The following FHL2 variants were observed in gnomAD, a reference collection of about 807,000 sequenced individuals.
The protein encoded by FHL2 is four and a half LIM domains 2.
In FHL2, 20 loss-of-function variants were observed where a neutral mutation model predicts 32.7. The observed-to-expected ratio is 0.61, with a 90% CI of 0.43 to 0.89. The LOEUF (loss-of-function observed/expected upper bound fraction) is 0.89. FHL2 is among the 40% of genes least tolerant of loss of function. The pLI, the probability that FHL2 is intolerant of heterozygous loss-of-function variation, is 0.00. For synonymous variants in FHL2, 123 were observed against 128.1 expected, an observed-to-expected ratio of 0.96 and a Z score of 0.27; for missense variants, 311 against 358.6, an observed-to-expected ratio of 0.87 and a Z score of 1.07.
chr2:105,365,032 ATC>A (rs903185302), intron 5 of FHL2, among the ~76,000 whole-genome samples: 5 of 152,316 alleles, frequency 3.3e-5, no homozygotes, highest in South Asian at 2.1e-4. Context: ...TGTGTAAGAC[ATC>A]TCTGCCTGCA....
chr2:105,365,674 CA>C (rs771107312), intron 5 of FHL2, among the ~76,000 whole-genome samples: 2,070 of 71,590 alleles, frequency 0.029, 19 homozygotes, highest in African/African-American at 0.084. Flanking sequence ...GTCTCTACTA[CA>C]AAAAAAAAAA....
chr2:105,397,441 G>C (rs1236556205), intron 1 of FHL2, among the ~76,000 whole-genome samples: 1 of 152,142 alleles, frequency 6.6e-6, no homozygotes, highest in African/African-American at 2.4e-5. Context: ...GACACTACGA[G>C]ATTAAGTGAC....
downstream of FHL2, chr2:105,358,361 T>C (rs989630503): frequency 1.3e-5 from 2 of 152,316 alleles, no homozygotes; most frequent in Non-Finnish European, 2.9e-5. Flanking sequence ...CCGCTGGTCT[T>C]CTCAGATTGC....
intron 3 of FHL2, among the ~76,000 whole-genome samples, chr2:105,379,397 C>A (rs1210853052): frequency 6.6e-6 from 1 of 152,176 alleles, no homozygotes; most frequent in African/African-American, 2.4e-5. Context: ...ATATCTGCCA[C>A]CTTAAAGCTC....
chr2:105,397,010 GTTTTTTTTTTT>G (rs35576785), intron 1 of FHL2: 2 of 108,726 alleles, frequency 1.8e-5, no homozygotes, highest in Non-Finnish European at 1.7e-5. Context: ...TATCTAGTCT[GTTTTTTTTTTT>G]TTTTTTTTTT....
chr2:105,415,169 G>A (rs1324989886), intron 1 of FHL2, among the ~76,000 whole-genome samples: 3 of 152,180 alleles, frequency 2.0e-5, no homozygotes, highest in Admixed American at 6.5e-5. Flanking sequence ...TGGAGCAAGC[G>A]CTACACCGCT....
chr2:105,405,114 G>C (rs1477044417), intron 1 of FHL2, among the ~76,000 whole-genome samples: 1 of 152,158 alleles, frequency 6.6e-6, no homozygotes, highest in African/African-American at 2.4e-5. Context: ...GTATTTGTAA[G>C]GTAGACTCTG....
At chr2:105,426,874 T>A (rs937939715) in intron 1 of FHL2, among the ~76,000 whole-genome samples, 2 of 152,374 alleles carry the variant, frequency 1.3e-5, no homozygotes, top group Admixed American at 1.3e-4. Context: ...TCTACTCACA[T>A]GGCCCTTATC....
At chr2:105,427,808 AC>A (rs1188362829) in intron 1 of FHL2, among the ~76,000 whole-genome samples, 1 of 151,324 alleles carries the variant, frequency 6.6e-6, no homozygotes, top group Non-Finnish European at 1.5e-5. Context: ...CAGAGAAGGG[AC>A]CCCCTCTGAC....
intron 5 of FHL2, among the ~76,000 whole-genome samples, chr2:105,363,811 C>G (rs977252400): frequency 6.6e-6 from 1 of 152,304 alleles, no homozygotes; most frequent in East Asian, 1.9e-4. Context: ...GGATTCAATA[C>G]AGCATCAAGG....
intron 3 of FHL2, chr2:105,378,202 A>G (rs758850284): frequency 2.1e-5 from 10 of 470,786 alleles, no homozygotes; most frequent in Non-Finnish European, 3.5e-5. Flanking sequence ...GTTAATATTT[A>G]TGGCACAAAA....
intron 5 of FHL2, among the ~76,000 whole-genome samples, chr2:105,366,897 C>T (rs561212073): frequency 6.6e-6 from 1 of 152,270 alleles, no homozygotes; most frequent in East Asian, 1.9e-4. Flanking sequence ...AGGCGTGTGC[C>T]ACCACACCCA....
At chr2:105,374,850 T>G (rs1322401785) in intron 3 of FHL2, among the ~76,000 whole-genome samples, 1 of 152,192 alleles carries the variant, frequency 6.6e-6, no homozygotes, top group Non-Finnish European at 1.5e-5. Flanking sequence ...CAAATCATCA[T>G]CCATTTATAC....
At chr2:105,429,068 G>A (rs888820848) in intron 1 of FHL2, among the ~76,000 whole-genome samples, 1 of 152,162 alleles carries the variant, frequency 6.6e-6, no homozygotes, top group Non-Finnish European at 1.5e-5. Context: ...GAGGAGAAGG[G>A]CAGAAGGGGA....
chr2:105,425,382 G>T (rs1573405807), intron 1 of FHL2, among the ~76,000 whole-genome samples: 1 of 152,182 alleles, frequency 6.6e-6, no homozygotes, highest in East Asian at 1.9e-4. Flanking sequence ...GCCCTTGAAA[G>T]CAGGGTATTG....
At chr2:105,429,997 A>C (rs1684380487) in intron 1 of FHL2, among the ~76,000 whole-genome samples, 1 of 152,296 alleles carries the variant, frequency 6.6e-6, no homozygotes, top group South Asian at 2.1e-4. Context: ...TGGGAAGTTA[A>C]AATCTTGCCT....
intron 2 of FHL2, 59 bp from the exon 3 acceptor site, chr2:105,386,599 C>T (rs1682339370): frequency 2.0e-5 from 30 of 1,480,792 alleles, no homozygotes; most frequent in Non-Finnish European, 2.5e-5. Context: ...GGGGTGCACG[C>T]AAAGGCATTA....
chr2:105,378,675 C>T (rs1558695510), intron 3 of FHL2: 1 of 155,730 alleles, frequency 6.4e-6, no homozygotes, highest in African/African-American at 2.4e-5. Context: ...TTCTCTCAGC[C>T]TACCTTTATG....
upstream of FHL2, among the ~76,000 whole-genome samples, chr2:105,400,795 A>G (rs988765104): frequency 1.4e-5 from 2 of 147,678 alleles, no homozygotes; most frequent in African/African-American, 5.0e-5. Flanking sequence ...TAACTGCTTT[A>G]GCTGTGTCAC....
Sources: allele counts gnomAD v4.1 joint callset (sites outside exome capture counted in the v4.1 genomes callset), GRCh38; gene constraint gnomAD v4.1.1; transcripts MANE v1.5; gene names NCBI Gene and HGNC (gene_info 2026-07-23, HGNC 2026-07-21).